The following TNR variants were observed in gnomAD, a reference collection of about 807,000 sequenced individuals.
TNR encodes tenascin-R.
A neutral mutation model predicts 150.4 loss-of-function variants in TNR; 45 were observed. The ratio of observed to expected loss-of-function variants is 0.30; its 90% confidence interval spans 0.24 to 0.38. The LOEUF (loss-of-function observed/expected upper bound fraction) is 0.38, where lower values mean the gene tolerates loss of function less well. Among genes scored for constraint, TNR ranks in the 10% least tolerant of loss-of-function variants. TNR has a pLI of 1.00. For missense variants in TNR, 1,544 were observed against 1,759.1 expected, an observed-to-expected ratio of 0.88 and a Z score of 2.19; for synonymous variants, 687 against 678.4, an observed-to-expected ratio of 1.01 and a Z score of -0.20.
At chr1:175,738,188 A>T (rs893917976) in intron 1 of TNR, among the ~76,000 whole-genome samples, 4 of 152,320 alleles carry the variant, frequency 2.6e-5, no homozygotes, top group East Asian at 1.9e-4. Context: ...TCATGACAAG[A>T]AAGTTTCCTT....
At position 175,430,356 on chromosome 1, in the gene TNR, T is replaced by C. The variant is rs1389792686; in HGVS notation, c.-63-23579A>G. ...GACTCTTAAGAATTAACTCCTTCAG[T>C]AGGAATTAAGTCAGGCATCCTGTAA... On this transcript the variant is annotated intron_variant, in intron 2 of 22. Transcript: ENST00000367674. Among the ~76,000 whole-genome samples, 37 of 152,160 alleles carry C rather than the reference T, an allele frequency of 2.4e-4. 1 individual carries two copies. Among genetic ancestry groups the C allele is most frequent in the Admixed American group, 2.4e-3 (37 of 15,278 alleles).
chr1:175,424,400 A>G (rs1190035592), intron 2 of TNR, among the ~76,000 whole-genome samples: 1 of 152,236 alleles, frequency 6.6e-6, no homozygotes, highest in East Asian at 1.9e-4. Flanking sequence ...CCTGGCACCA[A>G]GCACACATCT....
intron 2 of TNR, among the ~76,000 whole-genome samples, chr1:175,479,219 C>A (rs1288472422): frequency 6.6e-6 from 1 of 152,262 alleles, no homozygotes; most frequent in East Asian, 1.9e-4. Flanking sequence ...GCCCAATTGC[C>A]CCCTCCTTTG....
chr1:175,623,729 G>A lies in TNR; in HGVS notation c.-164-95360C>T, dbSNP rs376967839. Among the ~76,000 whole-genome samples, 6 of 152,334 alleles carry A rather than the reference G, an allele frequency of 3.9e-5. 1 individual carries two copies. The South Asian group carries it at 8.3e-4, about 21-fold the overall frequency. ...AGGTGACAGGGAGGAAACCAGCAGA[G>A]GATTAGAGTGAGCTAATTTACCCAC... On this transcript the variant is annotated intron_variant, in intron 1 of 22. Transcript: ENST00000367674.
rs1481573560 is a variant in TNR at position 175,316,951 on chromosome 1, C to T, written c.*6406G>A. 1 of 152,064 alleles carries T rather than the reference C, an allele frequency of 6.6e-6. No homozygotes were observed. Among genetic ancestry groups the T allele is most frequent in the African/African-American group, 2.4e-5 (1 of 41,358 alleles). 9.4% of individuals were successfully genotyped at this position (152,064 alleles called of 1,614,324 possible). A position where few individuals can be genotyped will look rare whatever the true frequency, so the allele number is the denominator to read the frequency against. On this transcript the variant is annotated 3_prime_UTR_variant, in exon 23 of 23. Coordinates refer to ENST00000367674, the MANE Select transcript of TNR (RefSeq NM_003285.3). ...AGTAAAATCCAAGATGGTGGTCACT[C>T]AGCTAAATAAATATAAAGAGCAGCC...
intron 1 of TNR, among the ~76,000 whole-genome samples, chr1:175,657,883 A>ATATATATATATATATGTGTGTG (rs1464419575): frequency 2.0e-5 from 2 of 101,134 alleles, no homozygotes; most frequent in Non-Finnish European, 4.1e-5. Flanking sequence ...ATATATATAT[A>ATATATATATATATATGTGTGTG]TGTAACAAAC....
intron 1 of TNR, among the ~76,000 whole-genome samples, chr1:175,668,850 G>T (rs111935581): frequency 6.6e-6 from 1 of 152,198 alleles, no homozygotes; most frequent in Non-Finnish European, 1.5e-5. Flanking sequence ...GTTGTGATAT[G>T]TACTCAGATC....
Position 175,578,739 on chromosome 1 carries a change from C to A in TNR, c.-164-50370G>T, listed in dbSNP as rs374719297. Among the ~76,000 whole-genome samples, 7 of 152,306 alleles carry A rather than the reference C, an allele frequency of 4.6e-5. No homozygotes were observed. In the East Asian group the frequency reaches 9.7e-4, roughly 21 times the overall value. On this transcript the variant is annotated intron_variant, in intron 1 of 22. Coordinates refer to ENST00000367674, the MANE Select transcript of TNR (RefSeq NM_003285.3). ...AATGGAAATCCTGTGGGGATTTTGT[C>A]ACCTCTTCTGCACTCACCATTGAGA...
At chr1:175,541,149 G>A (rs1660487314) in intron 1 of TNR, among the ~76,000 whole-genome samples, 1 of 151,994 alleles carries the variant, frequency 6.6e-6, no homozygotes, top group African/African-American at 2.4e-5. Context: ...TCCAGGGATG[G>A]GTTAGATGCC....
intron 1 of TNR, among the ~76,000 whole-genome samples, chr1:175,612,285 G>A (rs1247330307): frequency 6.6e-6 from 1 of 152,176 alleles, no homozygotes; most frequent in Non-Finnish European, 1.5e-5. Flanking sequence ...GGGCTAAAAG[G>A]TGTTCCAGCA....
At chr1:175,422,256 T>C (rs985963540) in intron 2 of TNR, among the ~76,000 whole-genome samples, 2 of 152,244 alleles carry the variant, frequency 1.3e-5, no homozygotes, top group Non-Finnish European at 2.9e-5. Context: ...ACAATAGTTA[T>C]CTGCAGAGCT....
At chr1:175,737,640 C>T (rs529862167) in intron 1 of TNR, among the ~76,000 whole-genome samples, 1 of 152,256 alleles carries the variant, frequency 6.6e-6, no homozygotes, top group East Asian at 1.9e-4. Context: ...TTCCTCATAC[C>T]ATGCAGTTTG....
At chr1:175,734,776 G>A (rs956223365) in intron 1 of TNR, among the ~76,000 whole-genome samples, 3 of 152,218 alleles carry the variant, frequency 2.0e-5, no homozygotes, top group Non-Finnish European at 2.9e-5. Context: ...ATTGCTGGGC[G>A]CCTCACTTGC....
chr1:175,632,169 T>C (rs1340764902), intron 1 of TNR, among the ~76,000 whole-genome samples: 1 of 152,224 alleles, frequency 6.6e-6, no homozygotes, highest in Non-Finnish European at 1.5e-5. Flanking sequence ...ACTCATGCAG[T>C]TTCATTATCC....
intron 2 of TNR, among the ~76,000 whole-genome samples, chr1:175,440,193 C>T (rs1655718127): frequency 1.3e-5 from 2 of 152,176 alleles, no homozygotes; most frequent in South Asian, 4.2e-4. Context: ...TACTATGCAG[C>T]CATAAAAGAT....
chr1:175,342,598 T>A (rs1416572872), intron 18 of TNR, among the ~76,000 whole-genome samples: 1 of 152,144 alleles, frequency 6.6e-6, no homozygotes, highest in Non-Finnish European at 1.5e-5. Context: ...TAGATGGGGG[T>A]GAGCCTGGAG....
intron 2 of TNR, among the ~76,000 whole-genome samples, chr1:175,496,983 G>A: frequency 6.6e-6 from 1 of 152,196 alleles, no homozygotes; most frequent in East Asian, 1.9e-4. Flanking sequence ...TAGACTTCAA[G>A]TCATGCCTGT....
intron 2 of TNR, among the ~76,000 whole-genome samples, chr1:175,414,627 G>A (rs997624896): frequency 4.6e-5 from 7 of 152,338 alleles, no homozygotes; most frequent in Non-Finnish European, 1.0e-4. Context: ...TAGCAAGATT[G>A]TCCTCAAGGC....
chr1:175,509,182 G>C (rs1160478676), intron 2 of TNR, among the ~76,000 whole-genome samples: 1 of 152,168 alleles, frequency 6.6e-6, no homozygotes, highest in Non-Finnish European at 1.5e-5. Flanking sequence ...TTCTGGACCA[G>C]CCTAGGAAGT....
Sources: gnomAD v4.1 joint callset for allele counts (sites outside exome capture counted in the v4.1 genomes callset) on GRCh38, gnomAD v4.1.1 for gene constraint, MANE v1.5 for transcripts, NCBI Gene and HGNC (gene_info 2026-07-23, HGNC 2026-07-21) for gene names.